Variants in FSHR observed in about 807,000 individuals in gnomAD.
The protein encoded by FSHR is follicle-stimulating hormone receptor.
FSHR carries 46 observed loss-of-function variants against 52.1 expected under a neutral mutation model. The ratio of observed to expected loss-of-function variants is 0.88; its 90% CI spans 0.70 to 1.13. FSHR has a LOEUF of 1.13. Ranked by LOEUF, FSHR falls within the 50% of genes most tolerant of loss-of-function variation. The pLI is 0.00. For missense variants in FSHR, 964 were observed against 834.6 expected (o/e 1.16, Z -1.91); for synonymous variants, 399 against 309.6 (o/e 1.29, Z -3.03).
intron 2 of FSHR, among the ~76,000 whole-genome samples, chr2:49,047,701 T>C (rs551171127): frequency 6.6e-6 from 1 of 152,330 alleles, no homozygotes; most frequent in South Asian, 2.1e-4. Flanking sequence ...CCTTAGACTT[T>C]TGGTGTCAAT....
At chr2:49,084,727 A>G (rs1670311409) in intron 1 of FSHR, among the ~76,000 whole-genome samples, 1 of 152,260 alleles carries the variant, frequency 6.6e-6, no homozygotes, top group South Asian at 2.1e-4. Context: ...CTCTATGCAA[A>G]TAAACTAGAA....
intron 1 of FSHR, among the ~76,000 whole-genome samples, chr2:49,132,986 A>AAAAAAAAAAG (rs1558459918): frequency 2.7e-5 from 4 of 149,684 alleles, no homozygotes; most frequent in African/African-American, 9.9e-5. Flanking sequence ...AAAAAAAAAA[A>AAAAAAAAAAG]AAAAAAAAAG....
intron 2 of FSHR, among the ~76,000 whole-genome samples, chr2:49,037,519 G>A (rs1475763462): frequency 6.6e-6 from 1 of 152,088 alleles, no homozygotes; most frequent in African/African-American, 2.4e-5. Context: ...ATTTTAAAAT[G>A]AGTAACTTTA....
intron 8 of FSHR, among the ~76,000 whole-genome samples, chr2:48,972,116 A>G (rs1291653): frequency 1 from 151,675 of 152,314 alleles, 75,519 homozygotes; most frequent in East Asian, 1. Context: ...TCAGACTTTG[A>G]ATAATAAAAA....
chr2:49,008,259 G>A (rs1262551438), intron 4 of FSHR, among the ~76,000 whole-genome samples: 1 of 127,522 alleles, frequency 7.8e-6, no homozygotes, highest in Non-Finnish European at 1.6e-5. Context: ...TCCCACCTAT[G>A]AGTGAGAATA....
chr2:49,143,324 G>T (rs1231148930), intron 1 of FSHR, among the ~76,000 whole-genome samples: 1 of 152,180 alleles, frequency 6.6e-6, no homozygotes, highest in East Asian at 1.9e-4. Context: ...TTCCTGAGAG[G>T]TGTGTAATGT....
At chr2:48,993,682 C>T (rs561240844) in intron 4 of FSHR, among the ~76,000 whole-genome samples, 30 of 152,188 alleles carry the variant, frequency 2.0e-4, no homozygotes, top group Non-Finnish European at 3.1e-4. Flanking sequence ...ATACTTCTTA[C>T]TGCCTACTCT....
intron 1 of FSHR, among the ~76,000 whole-genome samples, chr2:49,094,691 T>C (rs984404490): frequency 1.3e-5 from 2 of 152,098 alleles, no homozygotes; most frequent in African/African-American, 4.8e-5. Context: ...GGAAAATGTA[T>C]AGCTACAAAT....
intron 1 of FSHR, among the ~76,000 whole-genome samples, chr2:49,108,139 C>T (rs553425454): frequency 3.3e-5 from 5 of 152,222 alleles, no homozygotes; most frequent in African/African-American, 1.2e-4. Flanking sequence ...AAATTCATCC[C>T]TTTTGCTTCC....
At chr2:49,127,551 A>G (rs1240204519) in intron 1 of FSHR, among the ~76,000 whole-genome samples, 1 of 149,376 alleles carries the variant, frequency 6.7e-6, no homozygotes, top group African/African-American at 2.5e-5. Flanking sequence ...CACACACCCC[A>G]TGTACACACA....
intron 4 of FSHR, among the ~76,000 whole-genome samples, chr2:48,995,785 G>A (rs532562367): frequency 6.6e-6 from 1 of 152,090 alleles, no homozygotes; most frequent in Non-Finnish European, 1.5e-5. Context: ...CTACTGGAGT[G>A]AGAAAATTAA....
At chr2:49,107,934 A>G (rs774061907) in intron 1 of FSHR, among the ~76,000 whole-genome samples, 2 of 152,118 alleles carry the variant, frequency 1.3e-5, no homozygotes, top group East Asian at 1.9e-4. Context: ...GGACACATCA[A>G]TAGTATGATC....
chr2:49,149,357 C>T (rs1296001468), intron 1 of FSHR, among the ~76,000 whole-genome samples: 1 of 151,978 alleles, frequency 6.6e-6, no homozygotes, highest in African/African-American at 2.4e-5. Flanking sequence ...ACTTGTCAGG[C>T]ACAAAGCAAT....
At chr2:49,048,509 C>A (rs1471018326) in intron 2 of FSHR, among the ~76,000 whole-genome samples, 1 of 152,202 alleles carries the variant, frequency 6.6e-6, no homozygotes, top group Non-Finnish European at 1.5e-5. Context: ...ACAGAGCAAA[C>A]ATGCTGTCCT....
chr2:49,080,009 A>G (rs1410439952), intron 1 of FSHR, among the ~76,000 whole-genome samples: 1 of 152,194 alleles, frequency 6.6e-6, no homozygotes, highest in Non-Finnish European at 1.5e-5. Context: ...TAAGAGAAAT[A>G]CAAACAACCC....
In FSHR at chr2:49,049,235, C is replaced by T. The variant is rs377425027; in HGVS notation, c.224+18984G>A. On this transcript the variant is annotated intron_variant, in intron 2 of 9. Transcript: ENST00000406846. ...TTTCTGGTATATCTCTGAGCACTGACAAATATAATTCACTGGAAGGTCTCA... is the reference window on the plus strand; with the variant it reads ...TTTCTGGTATATCTCTGAGCACTGATAAATATAATTCACTGGAAGGTCTCA... Among the ~76,000 whole-genome samples, 15 of 151,838 alleles carry T rather than the reference C, an allele frequency of 9.9e-5. No homozygotes were observed. In the East Asian group the frequency reaches 1.2e-3, roughly 12 times the overall value.
chr2:49,040,591 G>T (rs574575385), intron 2 of FSHR, among the ~76,000 whole-genome samples: 6 of 152,280 alleles, frequency 3.9e-5, no homozygotes, highest in African/African-American at 7.2e-5. Flanking sequence ...AATGTGAAAT[G>T]GTTGTCTATG....
At chr2:48,980,846 G>A (rs1409781955) in intron 8 of FSHR, among the ~76,000 whole-genome samples, 1 of 151,954 alleles carries the variant, frequency 6.6e-6, no homozygotes, top group Non-Finnish European at 1.5e-5. Flanking sequence ...GGAGTTGGGG[G>A]ATCTCATCCA....
chr2:49,087,695 G>A (rs1269948141), intron 1 of FSHR, among the ~76,000 whole-genome samples: 1 of 152,184 alleles, frequency 6.6e-6, no homozygotes, highest in African/African-American at 2.4e-5. Context: ...TAGTTGGGTG[G>A]TAGATGGATG....
Sources: gnomAD v4.1 joint callset for allele counts (sites outside exome capture counted in the v4.1 genomes callset) on GRCh38, gnomAD v4.1.1 for gene constraint, MANE v1.5 for transcripts, NCBI Gene and HGNC (gene_info 2026-07-23, HGNC 2026-07-21) for gene names.